Variants in PDE8B observed in about 807,000 individuals in gnomAD.
The protein encoded by PDE8B is phosphodiesterase 8B.
Under a neutral mutation model 101.3 loss-of-function variants are expected in PDE8B, and 26 were observed. That is an observed-to-expected ratio of 0.26 (90% CI 0.19 to 0.36). The LOEUF (loss-of-function observed/expected upper bound fraction) is 0.36, where lower values mean the gene tolerates loss of function less well. Among genes scored for constraint, PDE8B ranks in the 10% least tolerant of loss-of-function variants. PDE8B has a pLI of 1.00. For missense variants in PDE8B, 810 were observed against 1,163.1 expected (o/e 0.70, Z 4.42); for synonymous variants, 424 against 429.3 (o/e 0.99, Z 0.15).
At chr5:77,339,074 T>A (rs1447521047) in intron 6 of PDE8B, among the ~76,000 whole-genome samples, 1 of 152,148 alleles carries the variant, frequency 6.6e-6, no homozygotes, top group Non-Finnish European at 1.5e-5. Flanking sequence ...CACAATAGCA[T>A]AAAGAAAAGC....
At position 77,245,651 on chromosome 5, in the gene PDE8B, C is replaced by T. The variant is rs1417640105; in HGVS notation, c.339+34387C>T. 7.2e-5 allele frequency among the ~76,000 whole-genome samples: 11 copies of T among 152,268 alleles called. 1 individual carries two copies. The South Asian group carries it at 2.3e-3, about 32-fold the overall frequency. ...GTGTGTGCACATGTGTGCATGTTCA[C>T]TAAGGGCTATGCACTTATTTGACCC... is the stretch of plus-strand genomic sequence containing the variant. On this transcript the variant is annotated intron_variant, in intron 1 of 21. Transcript: ENST00000264917.
intron 10 of PDE8B, among the ~76,000 whole-genome samples, chr5:77,382,859 C>A (rs1404562483): frequency 6.6e-6 from 1 of 152,150 alleles, no homozygotes; most frequent in Non-Finnish European, 1.5e-5. Flanking sequence ...TGGGTTGGTT[C>A]CAAGTCTTTG....
rs144803697 is a variant in PDE8B at position 77,307,630 on chromosome 5, T to C, written c.340-4364T>C. 7.1e-3 allele frequency among the ~76,000 whole-genome samples: 1,088 copies of C among 152,256 alleles called. 13 individuals carry two copies. The highest frequency in any genetic ancestry group is 0.012 in the Non-Finnish European group (840 of 68,008). On this transcript the variant is annotated intron_variant, in intron 1 of 21. Transcript: ENST00000264917. ...TTTTTTTCATGTGAAAGTGGATTGG[T>C]GACCCTGCTTCCATGTATATATGTG...
chr5:77,095,973 C>A, the PDE8B span, among the ~76,000 whole-genome samples: 2 of 152,054 alleles, frequency 1.3e-5, no homozygotes, highest in South Asian at 4.2e-4. Context: ...GCATTGAAAT[C>A]CTTGCATAAT....
intron 1 of PDE8B, among the ~76,000 whole-genome samples, chr5:77,273,522 A>G (rs574795063): frequency 6.6e-6 from 1 of 152,364 alleles, no homozygotes; most frequent in Admixed American, 6.5e-5. Context: ...TATGATAGGT[A>G]GAGATGACTT....
intron 10 of PDE8B, 116 bp downstream of exon 10, chr5:77,353,522 C>T (rs1581199363): frequency 1.3e-6 from 1 of 746,848 alleles, no homozygotes; most frequent in East Asian, 2.5e-5. Context: ...TTGTAGCTGC[C>T]AATTAAGCAG....
At chr5:77,226,428 T>A (rs1160565293) in intron 1 of PDE8B, among the ~76,000 whole-genome samples, 1 of 152,220 alleles carries the variant, frequency 6.6e-6, no homozygotes, top group Non-Finnish European at 1.5e-5. Context: ...TTCCTACTCA[T>A]AGCTGCATAG....
At chr5:77,365,935 T>C (rs1307598568) in intron 10 of PDE8B, among the ~76,000 whole-genome samples, 5 of 152,198 alleles carry the variant, frequency 3.3e-5, no homozygotes, top group Non-Finnish European at 7.3e-5. Flanking sequence ...AGCTCCTCTA[T>C]CTGCAGGGCC....
At chr5:77,285,074 A>G (rs1432215961) in intron 1 of PDE8B, among the ~76,000 whole-genome samples, 1 of 152,004 alleles carries the variant, frequency 6.6e-6, no homozygotes, top group African/African-American at 2.4e-5. Flanking sequence ...CCTCCCTTTC[A>G]TTTTCAGAAG....
chr5:77,120,350 G>A, the PDE8B span, among the ~76,000 whole-genome samples: 1 of 152,142 alleles, frequency 6.6e-6, no homozygotes, highest in African/African-American at 2.4e-5. Context: ...ACATGTCAAT[G>A]TACTTTTCAA....
chr5:77,417,982 C>T (rs112797760), intron 17 of PDE8B, among the ~76,000 whole-genome samples: 2 of 152,150 alleles, frequency 1.3e-5, no homozygotes, highest in Non-Finnish European at 2.9e-5. Context: ...CAGCTGATGG[C>T]CCCTGGAGAA....
chr5:77,409,194 C>T (rs892418339), intron 14 of PDE8B, 137 bp downstream of exon 14: 11 of 732,318 alleles, frequency 1.5e-5, no homozygotes, highest in African/African-American at 3.5e-5. Flanking sequence ...GAAGCAACTG[C>T]GTCAGAATTT....
At chr5:77,095,245 C>A in the PDE8B span, among the ~76,000 whole-genome samples, 2 of 152,174 alleles carry the variant, frequency 1.3e-5, no homozygotes, top group African/African-American at 4.8e-5. Context: ...TTTGGCCCCT[C>A]AGAAAGTCAA....
At chr5:77,229,205 A>G (rs1261186354) in intron 1 of PDE8B, among the ~76,000 whole-genome samples, 4 of 152,226 alleles carry the variant, frequency 2.6e-5, no homozygotes, top group African/African-American at 4.8e-5. Context: ...TAGTTAAGCC[A>G]TATGTTCCTC....
intron 1 of PDE8B, among the ~76,000 whole-genome samples, chr5:77,242,794 G>A (rs1472084367): frequency 6.6e-6 from 1 of 152,030 alleles, no homozygotes; most frequent in Non-Finnish European, 1.5e-5. Flanking sequence ...GCCTCAGCCT[G>A]TAGCTGCGAC....
At chr5:77,108,373 G>GT in the PDE8B span, among the ~76,000 whole-genome samples, 1 of 152,038 alleles carries the variant, frequency 6.6e-6, no homozygotes. Flanking sequence ...TAGGTCTAAG[G>GT]TTTTTTCCCT....
chr5:77,238,252 G>GT (rs947566854), intron 1 of PDE8B, among the ~76,000 whole-genome samples: 13 of 152,040 alleles, frequency 8.6e-5, no homozygotes, highest in African/African-American at 2.9e-4. Flanking sequence ...CTAAGACTCT[G>GT]TTTTTTTAGT....
intron 10 of PDE8B, among the ~76,000 whole-genome samples, chr5:77,399,193 G>T (rs1297136660): frequency 6.6e-6 from 1 of 152,224 alleles, no homozygotes; most frequent in Non-Finnish European, 1.5e-5. Context: ...AGGTTGTTTT[G>T]ATGTAAGGGC....
chr5:77,181,139 C>G, the PDE8B span, among the ~76,000 whole-genome samples: 1 of 138,764 alleles, frequency 7.2e-6, no homozygotes, highest in Admixed American at 8.2e-5. Context: ...CTAGGGACAA[C>G]GCTAGCTGGG....
Sources: gnomAD v4.1 joint callset for allele counts (sites outside exome capture counted in the v4.1 genomes callset) on GRCh38, gnomAD v4.1.1 for gene constraint, MANE v1.5 for transcripts, NCBI Gene and HGNC (gene_info 2026-07-23, HGNC 2026-07-21) for gene names.